FBP1: variants seen among roughly 807,000 people sequenced by gnomAD.
FBP1 encodes fructose-1,6-bisphosphatase 1.
Under a neutral mutation model 29.9 loss-of-function variants are expected in FBP1, and 22 were observed. The observed-to-expected ratio is 0.74, with a 90% confidence interval of 0.53 to 1.05. The LOEUF (loss-of-function observed/expected upper bound fraction) is 1.05. FBP1 is among the 50% of genes least tolerant of loss of function. FBP1 has a pLI of 0.00. For synonymous variants in FBP1, 175 were observed against 178.6 expected (o/e 0.98, Z 0.16); for missense variants, 345 against 448.2 (o/e 0.77, Z 2.08).
chr9:94,603,431 CG>C lies in FBP1; in HGVS notation c.966del (p.Asp323ThrfsTer7), dbSNP rs747269745. On this transcript the variant is annotated frameshift_variant, in exon 7 of 7. Transcript: ENST00000375326. LOFTEE classifies it high-confidence loss of function. The part of the protein sequence containing the change: ...HQRAPVILGS[P>X]DDVLEFLKVY... ...ACCTTCAGGAACTCGAGCACGTCGT[CG>C]GGGGATCCCAAGATCACCGGCGCCC... 2.5e-6 allele frequency: 4 copies of C among 1,614,034 alleles called. No individual in the cohort carries two copies. The highest frequency in any genetic ancestry group is 3.4e-6 in the Non-Finnish European group (4 of 1,179,978).
At chr9:94,616,146 G>A (rs1340023540) in intron 3 of FBP1, among the ~76,000 whole-genome samples, 1 of 151,950 alleles carries the variant, frequency 6.6e-6, no homozygotes, top group African/African-American at 2.4e-5. Flanking sequence ...CAGTTCTTAA[G>A]TTAATGCCTT....
chr9:94,610,950 G>A (rs1827775114), intron 3 of FBP1, among the ~76,000 whole-genome samples: 4 of 150,402 alleles, frequency 2.7e-5, no homozygotes, highest in Admixed American at 6.7e-5. Flanking sequence ...TGCAAGCTCC[G>A]CCTCGCGGGT....
At chr9:94,626,714 A>T (rs1401225016) in intron 1 of FBP1, among the ~76,000 whole-genome samples, 1 of 152,236 alleles carries the variant, frequency 6.6e-6, no homozygotes, top group Non-Finnish European at 1.5e-5. Context: ...TGAAGATCAC[A>T]TGCAGTTTAT....
chr9:94,624,754 C>T (rs1827999410), intron 1 of FBP1, among the ~76,000 whole-genome samples: 1 of 152,202 alleles, frequency 6.6e-6, no homozygotes, highest in African/African-American at 2.4e-5. Context: ...TGTTTGTTAG[C>T]AATTTAGCCA....
At chr9:94,621,759 C>CGTGTT (rs1325924353) in intron 1 of FBP1, among the ~76,000 whole-genome samples, 2 of 152,136 alleles carry the variant, frequency 1.3e-5, no homozygotes, top group Non-Finnish European at 2.9e-5. Flanking sequence ...GGCCCCCAAA[C>CGTGTT]ACACGGGTTA....
chr9:94,630,992 G>T (rs1828097325), intron 1 of FBP1, among the ~76,000 whole-genome samples: 1 of 152,298 alleles, frequency 6.6e-6, no homozygotes, highest in South Asian at 2.1e-4. Flanking sequence ...AACCAGTTTT[G>T]CAGGCAACTT....
chr9:94,604,871 C>T lies in FBP1; in HGVS notation c.825+586G>A, dbSNP rs527437306. 2.0e-3 allele frequency among the ~76,000 whole-genome samples: 304 copies of T among 152,306 alleles called. 1 individual carries two copies. Among genetic ancestry groups the T allele is most frequent in the African/African-American group, 7.0e-3 (293 of 41,570 alleles). On this transcript the variant is annotated intron_variant, in intron 6 of 6. Transcript: ENST00000375326. ...TCACCCTGGCAGAAGGAAAGCAGGG[C>T]AGCTCTGAGCGAGCGTGAGGGAGCA... is the stretch of plus-strand genomic sequence containing the variant.
At position 94,631,658 on chromosome 9, in the gene FBP1, C is replaced by T. The variant is rs28402406; in HGVS notation, c.170+7483G>A. On this transcript the variant is annotated intron_variant, in intron 1 of 6. Transcript: ENST00000375326. ...CCATCTCCTCCCGAAGTCACTGTGA[C>T]TGAGTAACACGATTGCAGCAGCAAC... 5.5e-3 allele frequency among the ~76,000 whole-genome samples: 840 copies of T among 152,328 alleles called. 8 individuals carry two copies. The highest frequency in any genetic ancestry group is 0.019 in the African/African-American group (809 of 41,584).
intron 1 of FBP1, among the ~76,000 whole-genome samples, chr9:94,633,360 G>A (rs2131502713): frequency 6.6e-6 from 1 of 152,184 alleles, no homozygotes; most frequent in East Asian, 1.9e-4. Flanking sequence ...CTCCAGATTT[G>A]TCTCCAGTCA....
chr9:94,635,478 A>C (rs556842288), intron 1 of FBP1, among the ~76,000 whole-genome samples: 3 of 152,194 alleles, frequency 2.0e-5, no homozygotes, highest in African/African-American at 7.2e-5. Flanking sequence ...GTTCCTGCAA[A>C]TCTGCAATCA....
intron 2 of FBP1, 123 bp from the exon 3 acceptor site, chr9:94,617,983 T>G (rs1029405015): frequency 1.3e-6 from 1 of 746,132 alleles, no homozygotes; most frequent in Non-Finnish European, 2.3e-6. Flanking sequence ...TCTTATTTAT[T>G]TGTACTGTCA....
In FBP1 at chr9:94,603,181, A is replaced by G; in HGVS notation, c.*200T>C. On this transcript the variant is annotated 3_prime_UTR_variant, in exon 7 of 7. Coordinates refer to ENST00000375326, the MANE Select transcript of FBP1 (RefSeq NM_000507.4). ...TATTTCTCCTCCATCCACTCAAAAT[A>G]TATCTTAACACCAGTGGCATTATGG... is the stretch of plus-strand genomic sequence containing the variant. 1.6e-6 allele frequency: 1 copy of G among 606,880 alleles called. No homozygotes were observed. Among genetic ancestry groups the G allele is most frequent in the Non-Finnish European group, 3.0e-6 (1 of 336,182 alleles). The allele number at this position is 606,880 out of a possible 1,614,324, so 37.6% of individuals were successfully genotyped here. A position where few individuals can be genotyped will look rare whatever the true frequency, so the allele number is the denominator to read the frequency against.
chr9:94,630,592 T>C (rs1229169947), intron 1 of FBP1, among the ~76,000 whole-genome samples: 1 of 152,188 alleles, frequency 6.6e-6, no homozygotes, highest in African/African-American at 2.4e-5. Flanking sequence ...GTCTGCTTCA[T>C]AGTCTACAGA....
chr9:94,634,596 A>C (rs1378161827), intron 1 of FBP1, among the ~76,000 whole-genome samples: 2 of 152,202 alleles, frequency 1.3e-5, no homozygotes, highest in South Asian at 4.1e-4. Context: ...TGACATTTGA[A>C]CCACAACTTC....
intron 2 of FBP1, among the ~76,000 whole-genome samples, chr9:94,619,904 A>G (rs1386454557): frequency 6.8e-6 from 1 of 147,098 alleles, no homozygotes; most frequent in Admixed American, 6.8e-5. Context: ...AAAAAAAAAG[A>G]AGCAGAGACA....
intron 4 of FBP1, 23 bp from the exon 5 acceptor site, chr9:94,606,975 G>T (rs371547061): frequency 6.2e-7 from 1 of 1,613,934 alleles, no homozygotes; most frequent in Non-Finnish European, 8.5e-7. Flanking sequence ...GGAAGGAAAG[G>T]TGGAGAGATG....
chr9:94,633,865 C>T (rs559544811), intron 1 of FBP1, among the ~76,000 whole-genome samples: 14 of 151,798 alleles, frequency 9.2e-5, no homozygotes, highest in African/African-American at 3.1e-4. Flanking sequence ...CCACCACGCC[C>T]GGCTAATTTT....
At chr9:94,619,253 AAAC>A (rs1456185416) in intron 2 of FBP1, among the ~76,000 whole-genome samples, 2 of 152,186 alleles carry the variant, frequency 1.3e-5, no homozygotes, top group Non-Finnish European at 2.9e-5. Context: ...GAATGATGAA[AAAC>A]AACTTCATCA....
At chr9:94,633,923 G>A (rs1477501505) in intron 1 of FBP1, among the ~76,000 whole-genome samples, 2 of 151,100 alleles carry the variant, frequency 1.3e-5, no homozygotes, top group African/African-American at 4.9e-5. Flanking sequence ...GGCCAGGATG[G>A]TCTCGATCTC....
Sources: allele counts gnomAD v4.1 joint callset (sites outside exome capture counted in the v4.1 genomes callset), GRCh38; gene constraint gnomAD v4.1.1; transcripts MANE v1.5; gene names NCBI Gene and HGNC (gene_info 2026-07-23, HGNC 2026-07-21).